GATAD2B: variants seen among roughly 807,000 people sequenced by gnomAD.
GATAD2B encodes transcriptional repressor p66-beta.
In GATAD2B, 8 loss-of-function variants were observed where a neutral mutation model predicts 64.3. The ratio of observed to expected loss-of-function variants is 0.12; its 90% confidence interval spans 0.07 to 0.22. GATAD2B has a LOEUF of 0.22. Ranked by LOEUF, GATAD2B falls within the 10% of genes least tolerant of loss-of-function variation. The pLI is 1.00. For missense variants in GATAD2B, 453 were observed against 752.0 expected (o/e 0.60, Z 4.65); for synonymous variants, 281 against 271.3 (o/e 1.04, Z -0.35).
At chr1:153,891,162 C>T (rs904991818) in intron 1 of GATAD2B, among the ~76,000 whole-genome samples, 3 of 147,996 alleles carry the variant, frequency 2.0e-5, no homozygotes, top group African/African-American at 7.5e-5. Context: ...CCAGCCTGGG[C>T]GACAGCGAGA....
chr1:153,823,832 C>T (rs1028409580), intron 2 of GATAD2B, among the ~76,000 whole-genome samples: 4 of 151,678 alleles, frequency 2.6e-5, no homozygotes, highest in Admixed American at 6.6e-5. Context: ...TGGGTTCAAG[C>T]GATTCTCCTG....
chr1:153,912,339 AAAAT>A (rs1445067920), intron 1 of GATAD2B, among the ~76,000 whole-genome samples: 2 of 152,348 alleles, frequency 1.3e-5, no homozygotes, highest in Non-Finnish European at 2.9e-5. Context: ...AATCCGTCTC[AAAAT>A]AAATAAATAA....
intron 1 of GATAD2B, among the ~76,000 whole-genome samples, chr1:153,834,950 T>C (rs539053920): frequency 4.0e-5 from 6 of 151,266 alleles, no homozygotes; most frequent in Admixed American, 4.0e-4. Flanking sequence ...TGAGACCCTA[T>C]CTCTACAGAA....
Position 153,806,683 on chromosome 1 carries a change from G to A in GATAD2B, c.*3494C>T, listed in dbSNP as rs557587881. ...CAAGAAATAGCTTATATACATGAAC[G>A]AGTCCTTGTTATAACATCTCGGCAG... On this transcript the variant is annotated 3_prime_UTR_variant, in exon 11 of 11. Transcript: ENST00000368655. The A allele has an allele frequency of 1.4e-3, 204 of 148,126 alleles. 1 individual carries two copies. Among genetic ancestry groups the A allele is most frequent in the Non-Finnish European group, 2.2e-3 (149 of 67,550 alleles). The allele number at this position is 148,126 out of a possible 1,614,324, so 9.2% of individuals were successfully genotyped here.
intron 1 of GATAD2B, among the ~76,000 whole-genome samples, chr1:153,839,763 AG>A (rs1217725401): frequency 1.4e-4 from 22 of 152,092 alleles, no homozygotes. Flanking sequence ...TGAGGTTAGG[AG>A]TTTGAAACCA....
chr1:153,868,176 T>TA (rs1229694931), intron 1 of GATAD2B, among the ~76,000 whole-genome samples: 1 of 151,886 alleles, frequency 6.6e-6, no homozygotes, highest in Non-Finnish European at 1.5e-5. Context: ...CACTCTAGAC[T>TA]GGGTGGACAG....
In GATAD2B at chr1:153,817,550, G is replaced by A. The variant is rs1419491132; in HGVS notation, c.730-8C>T. 1 of 1,573,332 alleles carries A rather than the reference G, an allele frequency of 6.4e-7. No individual in the cohort carries two copies. The highest frequency in any genetic ancestry group is 8.6e-7 in the Non-Finnish European group (1 of 1,161,320). On this transcript the variant is annotated splice_region_variant and splice_polypyrimidine_tract_variant and intron_variant, in intron 5 of 10. Coordinates refer to ENST00000368655, the MANE Select transcript of GATAD2B (RefSeq NM_020699.4). ...ACGGATGACACTGTGACCCTGGAGG[G>A]GAAGAAGAGGAAAAGAACTAATCAC...
intron 1 of GATAD2B, among the ~76,000 whole-genome samples, chr1:153,873,990 T>C (rs978985017): frequency 6.6e-6 from 1 of 151,948 alleles, no homozygotes; most frequent in Non-Finnish European, 1.5e-5. Context: ...CCGGGTGCGG[T>C]GGCTCATGCC....
chr1:153,869,154 T>C lies in GATAD2B; in HGVS notation c.-1-40806A>G, dbSNP rs148157971. On this transcript the variant is annotated intron_variant, in intron 1 of 10. Transcript: ENST00000368655. The stretch of plus-strand genomic sequence containing the variant: ...CAAAAATACAAAAGTTAGCCAGGCA[T>C]GATGGTGGGTGCCTGTAGTCCCAGC... Among the ~76,000 whole-genome samples the C allele has an allele frequency of 1.9e-3, 284 of 151,968 alleles. 2 individuals are homozygous for C. Among genetic ancestry groups the C allele is most frequent in the African/African-American group, 6.5e-3 (268 of 41,454 alleles).
chr1:153,863,525 AC>A (rs903580920), intron 1 of GATAD2B, among the ~76,000 whole-genome samples: 5 of 150,392 alleles, frequency 3.3e-5, no homozygotes, highest in African/African-American at 7.3e-5. Context: ...AAAAAAAAAA[AC>A]AACAGGAAAG....
In GATAD2B at chr1:153,883,849, C is replaced by T. The variant is rs191583339; in HGVS notation, c.-2+38884G>A. Among the ~76,000 whole-genome samples, 282 of 152,268 alleles carry T rather than the reference C, an allele frequency of 1.9e-3. 1 individual carries two copies. The highest frequency in any genetic ancestry group is 6.5e-3 in the African/African-American group (271 of 41,556). On this transcript the variant is annotated intron_variant, in intron 1 of 10. Transcript: ENST00000368655. Reference sequence around the variant, plus strand: ...TACTCTACGTTTACTATATCTCCCTCTATATGTTGGATTGATTAGTAGTCC... The same window carrying T: ...TACTCTACGTTTACTATATCTCCCTTTATATGTTGGATTGATTAGTAGTCC...
At chr1:153,873,602 T>C (rs905319462) in intron 1 of GATAD2B, among the ~76,000 whole-genome samples, 1 of 152,186 alleles carries the variant, frequency 6.6e-6, no homozygotes, top group African/African-American at 2.4e-5. Flanking sequence ...CCTCAGCAGA[T>C]ATGGCCCCTT....
chr1:153,851,718 T>A (rs1675902361), intron 1 of GATAD2B, among the ~76,000 whole-genome samples: 1 of 152,060 alleles, frequency 6.6e-6, no homozygotes, highest in Non-Finnish European at 1.5e-5. Flanking sequence ...ATGAGATAAA[T>A]CAGTAAAGAG....
chr1:153,852,760 G>A (rs908508800), intron 1 of GATAD2B: 3 of 933,734 alleles, frequency 3.2e-6, no homozygotes, highest in Non-Finnish European at 5.3e-6. Context: ...GGTAGACAGG[G>A]ATCCCAGTCT....
At chr1:153,891,725 C>T (rs1677411540) in intron 1 of GATAD2B, among the ~76,000 whole-genome samples, 1 of 150,088 alleles carries the variant, frequency 6.7e-6, no homozygotes, top group South Asian at 2.1e-4. Context: ...AAGAGATGTC[C>T]TTTTTTACTG....
intron 1 of GATAD2B, among the ~76,000 whole-genome samples, chr1:153,874,655 C>A (rs987743039): frequency 2.7e-4 from 41 of 150,472 alleles, no homozygotes; most frequent in African/African-American, 9.3e-4. Context: ...CGGCTTACTG[C>A]AACCTCCACC....
At chr1:153,820,881 G>A (rs577491112) in intron 2 of GATAD2B, among the ~76,000 whole-genome samples, 7 of 151,292 alleles carry the variant, frequency 4.6e-5, no homozygotes, top group Admixed American at 6.6e-5. Flanking sequence ...CTCCCCTTTG[G>A]CCTTAAACAA....
chr1:153,917,247 G>A (rs1428223020), intron 1 of GATAD2B, among the ~76,000 whole-genome samples: 5 of 138,630 alleles, frequency 3.6e-5, no homozygotes, highest in African/African-American at 1.1e-4. Context: ...ACAGGCAACT[G>A]CCACCATGTC....
intron 1 of GATAD2B, among the ~76,000 whole-genome samples, chr1:153,905,833 G>A (rs1360455500): frequency 9.3e-5 from 14 of 150,758 alleles, no homozygotes; most frequent in East Asian, 7.8e-4. Flanking sequence ...TTGGGAGGCC[G>A]AGGTGGGCAG....
Sources: allele counts gnomAD v4.1 joint callset (sites outside exome capture counted in the v4.1 genomes callset), GRCh38; gene constraint gnomAD v4.1.1; transcripts MANE v1.5; gene names NCBI Gene and HGNC (gene_info 2026-07-23, HGNC 2026-07-21).